OGG1: variants seen among roughly 807,000 people sequenced by gnomAD.
OGG1 encodes the protein 8-oxoguanine DNA glycosylase.
OGG1 carries 35 observed loss-of-function variants against 42.3 expected under a neutral mutation model. The ratio of observed to expected loss-of-function variants is 0.83; its 90% CI spans 0.63 to 1.10. OGG1 has a LOEUF of 1.10. Among genes scored for constraint, OGG1 ranks in the 50% least tolerant of loss-of-function variants. The probability of loss-of-function intolerance (pLI) is 0.00; values close to 1 mark genes in which losing one functional copy is unlikely to be tolerated. For missense variants in OGG1, 484 were observed against 446.7 expected (o/e 1.08, Z -0.75); for synonymous variants, 189 against 179.0 (o/e 1.06, Z -0.44).
At chr3:9,778,952 C>A (rs2078401365) in intron 2 of OGG1, among the ~76,000 whole-genome samples, 2 of 152,180 alleles carry the variant, frequency 1.3e-5, no homozygotes, top group African/African-American at 4.8e-5. Flanking sequence ...CTTAGGGAAT[C>A]TTACCCTCCC....
At chr3:9,776,539 G>A (rs887525941) in intron 2 of OGG1, among the ~76,000 whole-genome samples, 11 of 151,818 alleles carry the variant, frequency 7.2e-5, no homozygotes, top group South Asian at 2.1e-4. Flanking sequence ...ACAGGTGCCC[G>A]CCACCACGCC....
In OGG1 at chr3:9,751,837, C is replaced by T; in HGVS notation, c.453C>T (p.Asn151=). Residue 151 remains asparagine (N), a synonymous_variant, in exon 3 of 7, where the codon AAC becomes AAT. Coordinates refer to ENST00000344629, the MANE Select transcript of OGG1 (RefSeq NM_002542.6). ...CTTTTATCTGTTCCTCCAACAACAA[C>T]ATCGCCCGCATCACTGGCATGGTGG... is the stretch of plus-strand genomic sequence containing the variant. The part of the protein sequence containing the change: ...LFSFICSSNN[N]IARITGMVER... The T allele has an allele frequency of 6.2e-7, 1 of 1,614,238 alleles. No homozygotes were observed. The highest frequency in any genetic ancestry group is 1.3e-5 in the African/African-American group (1 of 75,060).
chr3:9,755,177 T>C (rs1470626248), intron 4 of OGG1, among the ~76,000 whole-genome samples: 1 of 152,186 alleles, frequency 6.6e-6, no homozygotes, highest in East Asian at 1.9e-4. Context: ...TAAATAATAG[T>C]TTCCTTGGGG....
intron 3 of OGG1, among the ~76,000 whole-genome samples, chr3:9,785,089 A>G (rs570340612): frequency 2.6e-5 from 4 of 152,304 alleles, no homozygotes; most frequent in East Asian, 1.9e-4. Flanking sequence ...ATTCCCCTTC[A>G]GCAGGACATT....
chr3:9,789,490 C>T (rs1200773503), downstream of OGG1: 1 of 1,607,712 alleles, frequency 6.2e-7, no homozygotes, highest in South Asian at 1.1e-5. Flanking sequence ...TCATGTCTAT[C>T]AAGGCCCAGA....
intron 4 of OGG1, among the ~76,000 whole-genome samples, chr3:9,755,421 A>G (rs1037930745): frequency 6.6e-6 from 1 of 151,164 alleles, no homozygotes; most frequent in Non-Finnish European, 1.5e-5. Context: ...CTTGATGTCA[A>G]TAGGGTTAAC....
At chr3:9,767,852 A>T, downstream of OGG1, 1 of 1,519,040 alleles carries the variant, frequency 6.6e-7, no homozygotes, top group African/African-American at 1.4e-5. Flanking sequence ...TGCAGGCCCC[A>T]TTCAGTCATT....
intron 3 of OGG1, chr3:9,781,715 G>A (rs1008470983): frequency 2.4e-6 from 1 of 418,718 alleles, no homozygotes; most frequent in Non-Finnish European, 5.0e-6. Flanking sequence ...TTTCCAGAAG[G>A]GGAAGGAGAT....
At position 9,756,760 on chromosome 3, in the gene OGG1, G is replaced by A; in HGVS notation, c.899-7G>A. ...CAGATAACTTAGTCTCATCACTTCT[G>A]ATTTAGGAAACTTTTTCCGGAGCCT... On this transcript the variant is annotated splice_region_variant and splice_polypyrimidine_tract_variant and intron_variant, in intron 5 of 6. Coordinates refer to ENST00000344629, the MANE Select transcript of OGG1 (RefSeq NM_002542.6). The A allele has an allele frequency of 6.2e-7, 1 of 1,614,156 alleles. No individual in the cohort carries two copies. Among genetic ancestry groups the A allele is most frequent in the Non-Finnish European group, 8.5e-7 (1 of 1,180,024 alleles).
intron 3 of OGG1, among the ~76,000 whole-genome samples, chr3:9,784,529 A>C (rs1251942252): frequency 6.6e-6 from 1 of 152,034 alleles, no homozygotes; most frequent in Non-Finnish European, 1.5e-5. Flanking sequence ...CTTTTGCTAC[A>C]TATTAGTCCA....
downstream of OGG1, chr3:9,762,098 C>T (rs1484480873): frequency 5.0e-6 from 1 of 200,394 alleles, no homozygotes; most frequent in East Asian, 1.3e-4. Context: ...TATAATCTCA[C>T]CTAACAGATG....
chr3:9,756,535 T>G lies in OGG1; in HGVS notation c.812T>G (p.Met271Arg). The change falls in exon 5 of 7, where the codon ATG becomes AGG. Residue 271 changes from methionine (M) to arginine (R), a missense_variant. By Grantham distance (91) the Met-to-Arg change is moderately conservative. Transcript: ENST00000344629. ...KPQAVPVDVH[M>R]WHIAQRDYSW... ...CAGGCTGTGCCCGTGGATGTCCATA[T>G]GTGGCACATTGCCCAACGTGACTAC... The G allele has an allele frequency of 6.2e-7, 1 of 1,614,168 alleles. No homozygotes were observed. The highest frequency in any genetic ancestry group is 1.3e-5 in the African/African-American group (1 of 75,048).
At chr3:9,753,068 T>C (rs2077375938) in intron 3 of OGG1, among the ~76,000 whole-genome samples, 1 of 149,464 alleles carries the variant, frequency 6.7e-6, no homozygotes, top group African/African-American at 2.5e-5. Flanking sequence ...AAAAGAAACC[T>C]GGGTCAGGCA....
chr3:9,776,919 G>A (rs758910683), intron 2 of OGG1, among the ~76,000 whole-genome samples: 2 of 152,210 alleles, frequency 1.3e-5, no homozygotes, highest in Admixed American at 6.5e-5. Flanking sequence ...ACCTAAACGA[G>A]TGAGTTACAG....
chr3:9,781,296 TACATACACACAC>T (rs971521495), intron 2 of OGG1, among the ~76,000 whole-genome samples: 2 of 151,866 alleles, frequency 1.3e-5, no homozygotes, highest in East Asian at 1.9e-4. Context: ...TATATATATA[TACATACACACAC>T]ACAAACACAC....
intron 7 of OGG1, among the ~76,000 whole-genome samples, chr3:9,764,737 A>G (rs867745653): frequency 2.1e-5 from 3 of 146,148 alleles, no homozygotes; most frequent in African/African-American, 7.6e-5. Context: ...GGTTTAAGCA[A>G]TTCTCCTGCC....
chr3:9,762,911 C>T (rs758916799), intron 7 of OGG1: 1 of 1,614,090 alleles, frequency 6.2e-7, no homozygotes, highest in Non-Finnish European at 8.5e-7. Context: ...CCTTGAGCCC[C>T]ACCTTGAGAT....
rs1313838876 is a variant in OGG1 at position 9,750,174 on chromosome 3, C to T, written c.-113C>T. On this transcript the variant is annotated 5_prime_UTR_variant, in exon 1 of 7. Transcript: ENST00000344629. ...AACAGGGAAGGTTGTTAAACAGCAC[C>T]GTGTGGGCGAGGCCTTAAGGGTCGT... 3.7e-6 allele frequency: 5 copies of T among 1,334,866 alleles called. No individual in the cohort carries two copies. In the East Asian group the frequency reaches 9.3e-5, roughly 25 times the overall value. 82.7% of individuals were successfully genotyped at this position (1,334,866 alleles called of 1,614,324 possible).
Position 9,788,099 on chromosome 3 carries a change from A to C in OGG1, c.*368A>C, listed in dbSNP as rs9848812. On this transcript the variant is annotated 3_prime_UTR_variant, in exon 4 of 4. Coordinates refer to the OGG1 transcript ENST00000426518. ...GATCCTGTAGATAACGGGAGGAAGA[A>C]AGGCCTGGATGCAGCGCCATGTCAT... 4.3e-3 allele frequency: 960 copies of C among 225,642 alleles called. 8 individuals are homozygous for C. The highest frequency in any genetic ancestry group is 0.02 in the African/African-American group (885 of 44,338). The allele number at this position is 225,642 out of a possible 1,614,324, so 14.0% of individuals were successfully genotyped here. A position where few individuals can be genotyped will look rare whatever the true frequency, so the allele number is the denominator to read the frequency against.
Sources: gnomAD v4.1 joint callset for allele counts (sites outside exome capture counted in the v4.1 genomes callset) on GRCh38, gnomAD v4.1.1 for gene constraint, MANE v1.5 for transcripts, NCBI Gene and HGNC (gene_info 2026-07-23, HGNC 2026-07-21) for gene names.